BCHE: variants seen among roughly 807,000 people sequenced by gnomAD.
BCHE encodes cholinesterase.
In BCHE, 48 loss-of-function variants were observed where a neutral mutation model predicts 51.3. The ratio of observed to expected loss-of-function variants is 0.94; its 90% CI spans 0.74 to 1.19. The LOEUF is 1.19. Among genes scored for constraint, BCHE ranks in the 50% most tolerant of loss-of-function variants. The pLI is 0.00. For synonymous variants in BCHE, 251 were observed against 238.0 expected (o/e 1.05, Z -0.50); for missense variants, 847 against 708.2 (o/e 1.20, Z -2.23).
In BCHE at chr3:165,791,928, C is replaced by T. The variant is rs868335764; in HGVS notation, c.1518-5617G>A. 1.0e-4 allele frequency among the ~76,000 whole-genome samples: 14 copies of T among 136,536 alleles called. No individual in the cohort carries two copies. In the South Asian group the frequency reaches 2.8e-3, roughly 27 times the overall value. The allele number at this position is 136,536 out of a possible 152,430, so 89.6% of individuals were successfully genotyped here. ...TTGCCACTGACTCCACCCTGGGTGACGGAGCGAGGCTCCATCTCAAAAAAT... is the reference window on the plus strand; with the variant it reads ...TTGCCACTGACTCCACCCTGGGTGATGGAGCGAGGCTCCATCTCAAAAAAT... On this transcript the variant is annotated intron_variant, in intron 2 of 3. Coordinates refer to ENST00000264381, the MANE Select transcript of BCHE (RefSeq NM_000055.4).
intron 2 of BCHE, among the ~76,000 whole-genome samples, chr3:165,804,622 G>A (rs1713804720): frequency 6.6e-6 from 1 of 152,044 alleles, no homozygotes; most frequent in Admixed American, 6.6e-5. Flanking sequence ...TTAATTTTGG[G>A]TTTTGTTTTC....
chr3:165,779,539 T>C (rs1185878635), intron 3 of BCHE, among the ~76,000 whole-genome samples: 1 of 152,070 alleles, frequency 6.6e-6, no homozygotes, highest in Non-Finnish European at 1.5e-5. Flanking sequence ...GCCCAAAACC[T>C]CCTGAAGCTG....
chr3:165,807,645 C>T lies in BCHE; in HGVS notation c.1518-21334G>A, dbSNP rs139664665. On this transcript the variant is annotated intron_variant, in intron 2 of 3. Transcript: ENST00000264381. ...TGGCTCATCACTGCAACCTCCGCCTCCCAGGTTCAAGTAATTACCTTGCCT... is the reference window on the plus strand; with the variant it reads ...TGGCTCATCACTGCAACCTCCGCCTTCCAGGTTCAAGTAATTACCTTGCCT... 2.6e-3 allele frequency among the ~76,000 whole-genome samples: 387 copies of T among 151,642 alleles called. 1 individual carries two copies. The highest frequency in any genetic ancestry group is 9.0e-3 in the African/African-American group (370 of 41,316).
intron 2 of BCHE, among the ~76,000 whole-genome samples, chr3:165,810,954 T>C (rs1273888558): frequency 1.3e-5 from 2 of 152,098 alleles, no homozygotes; most frequent in African/African-American, 4.8e-5. Context: ...AAATACGTAG[T>C]GGAGTGAAGT....
chr3:165,782,517 A>G (rs1712747008), intron 3 of BCHE, among the ~76,000 whole-genome samples: 1 of 151,984 alleles, frequency 6.6e-6, no homozygotes, highest in Non-Finnish European at 1.5e-5. Context: ...TTTCTCTTCT[A>G]TGAAAATAAT....
At position 165,773,371 on chromosome 3, in the gene BCHE, A is replaced by G; in HGVS notation, c.*11T>C. On this transcript the variant is annotated 3_prime_UTR_variant, in exon 4 of 4. Coordinates refer to ENST00000264381, the MANE Select transcript of BCHE (RefSeq NM_000055.4). ...AAGGAAAATATGTTCTATAAAGGGT[A>G]AATCTATTAATTAGAGACCCACACA... 1 of 1,608,660 alleles carries G rather than the reference A, an allele frequency of 6.2e-7. No individual in the cohort carries two copies.
intron 2 of BCHE, among the ~76,000 whole-genome samples, chr3:165,811,667 T>A (rs73877736): frequency 0.025 from 3,765 of 152,108 alleles, 154 homozygotes; most frequent in African/African-American, 0.088. Flanking sequence ...AATAAAACAA[T>A]ATAATAATTT....
intron 2 of BCHE, among the ~76,000 whole-genome samples, chr3:165,825,909 A>G (rs1714705258): frequency 6.6e-6 from 1 of 152,290 alleles, no homozygotes; most frequent in South Asian, 2.1e-4. Context: ...TTTCACATCT[A>G]TATCCATCAG....
intron 3 of BCHE, among the ~76,000 whole-genome samples, chr3:165,782,878 T>G (rs1447562450): frequency 1.3e-5 from 2 of 151,986 alleles, no homozygotes; most frequent in Non-Finnish European, 2.9e-5. Context: ...TTTTAAAGCA[T>G]TAATCCCTTT....
intron 2 of BCHE, among the ~76,000 whole-genome samples, chr3:165,819,388 A>T (rs927634460): frequency 2.0e-5 from 3 of 151,896 alleles, no homozygotes; most frequent in Non-Finnish European, 4.4e-5. Flanking sequence ...TAGGTTTTTA[A>T]CTTCTAACTG....
In BCHE at chr3:165,829,690, ATAGTAGAAAAAGGCAT is replaced by A. The variant is rs771295338; in HGVS notation, c.1328_1343del (p.Asn443IlefsTer17). ...GAAGTTTGGAGGATCGGTGTTCAAAATAGTAGAAAAAGGCATTATTTCCCCATTCTGAGAACTTCTT... is the reference window on the plus strand; with the variant it reads ...GAAGTTTGGAGGATCGGTGTTCAAAATATTTCCCCATTCTGAGAACTTCTT... On this transcript the variant is annotated frameshift_variant, in exon 2 of 4. Transcript: ENST00000264381. LOFTEE classifies it high-confidence loss of function. 6 of 1,613,912 alleles carry A rather than the reference ATAGTAGAAAAAGGCAT, an allele frequency of 3.7e-6. No homozygotes were observed. The South Asian group carries it at 6.6e-5, about 18-fold the overall frequency.
intron 3 of BCHE, among the ~76,000 whole-genome samples, chr3:165,780,802 C>T (rs1020887387): frequency 3.3e-5 from 5 of 152,074 alleles, no homozygotes; most frequent in Admixed American, 6.6e-5. Flanking sequence ...AATCCTTTTA[C>T]GCTATTGGTG....
At chr3:165,797,657 CTTG>C (rs1267747103) in intron 2 of BCHE, among the ~76,000 whole-genome samples, 1 of 151,994 alleles carries the variant, frequency 6.6e-6, no homozygotes, top group Non-Finnish European at 1.5e-5. Flanking sequence ...TAATCTCAAA[CTTG>C]AAACAAATTG....
chr3:165,816,538 T>G (rs1358113313), intron 2 of BCHE, among the ~76,000 whole-genome samples: 2 of 151,830 alleles, frequency 1.3e-5, no homozygotes, highest in Non-Finnish European at 2.9e-5. Context: ...CTCCTCTCAT[T>G]CTCTTTTGCA....
At chr3:165,780,624 A>G (rs2108197795) in intron 3 of BCHE, among the ~76,000 whole-genome samples, 1 of 152,350 alleles carries the variant, frequency 6.6e-6, no homozygotes, top group Non-Finnish European at 1.5e-5. Context: ...ACTTCTCAAA[A>G]GAAGACATTT....
intron 3 of BCHE, among the ~76,000 whole-genome samples, chr3:165,784,484 C>A (rs1327682011): frequency 6.6e-6 from 1 of 151,802 alleles, no homozygotes; most frequent in Non-Finnish European, 1.5e-5. Flanking sequence ...CACACTGAAC[C>A]TAACCTTAAG....
intron 2 of BCHE, among the ~76,000 whole-genome samples, chr3:165,814,118 T>C (rs1025648011): frequency 1.3e-5 from 2 of 152,056 alleles, no homozygotes; most frequent in Non-Finnish European, 1.5e-5. Context: ...GTATATAAGA[T>C]TATTGTTAGT....
intron 3 of BCHE, chr3:165,778,821 TG>T: frequency 3.1e-6 from 1 of 324,172 alleles, no homozygotes; most frequent in Non-Finnish European, 6.8e-6. Flanking sequence ...GTTATACATC[TG>T]ATAAGATGTC....
rs557456072 is a variant in BCHE, at chr3:165,797,416, G to A, written c.1518-11105C>T. Among the ~76,000 whole-genome samples, 93 of 138,936 alleles carry A rather than the reference G, an allele frequency of 6.7e-4. 1 individual carries two copies. In the South Asian group the frequency reaches 0.02, roughly 29 times the overall value. 91.1% of individuals were successfully genotyped at this position (138,936 alleles called of 152,430 possible). ...CCCTTTATTCATTAGCTGGGCAAGT[G>A]CATCCAGATGTCTTCCCTAATTTCC... On this transcript the variant is annotated intron_variant, in intron 2 of 3. Transcript: ENST00000264381.
Sources: allele counts gnomAD v4.1 joint callset (sites outside exome capture counted in the v4.1 genomes callset), GRCh38; gene constraint gnomAD v4.1.1; transcripts MANE v1.5; gene names NCBI Gene and HGNC (gene_info 2026-07-23, HGNC 2026-07-21).